The following EYS variants were observed in gnomAD, a reference collection of about 807,000 sequenced individuals.
EYS encodes the protein EGF-like photoreceptor maintenance factor.
A neutral mutation model predicts 282.1 loss-of-function variants in EYS; 250 were observed. That is an observed-to-expected ratio of 0.89 (90% CI 0.80 to 0.98). The LOEUF (loss-of-function observed/expected upper bound fraction) is 0.98. Ranked by LOEUF, EYS falls within the 50% of genes least tolerant of loss-of-function variation. The pLI is 0.00. For synonymous variants in EYS, 1,355 were observed against 1,282.9 expected (o/e 1.06, Z -1.20); for missense variants, 4,016 against 3,709.0 (o/e 1.08, Z -2.15).
At chr6:65,220,729 C>T (rs745763526) in intron 12 of EYS, among the ~76,000 whole-genome samples, 1 of 152,054 alleles carries the variant, frequency 6.6e-6, no homozygotes, top group Non-Finnish European at 1.5e-5. Context: ...GAGGTTGGAA[C>T]AGTTTGGAGG....
chr6:65,490,841 T>C (rs1766016465), intron 4 of EYS, 134 bp from the exon 5 acceptor site: 1 of 634,508 alleles, frequency 1.6e-6, no homozygotes, highest in Non-Finnish European at 2.9e-6. Context: ...TGTTATACGA[T>C]GATGCATTTA....
rs1345064692 is a variant in EYS at position 65,244,789 on chromosome 6, TGG to T, written c.2023+51072_2023+51073del. On this transcript the variant is annotated intron_variant, in intron 12 of 42. Transcript: ENST00000503581. Reference sequence around the variant, plus strand: ...CGCCCGCCTCGGCCTTCCAAAGTGCTGGGATTACAGGCTTGAGCCACCGCGCC... The same window carrying T: ...CGCCCGCCTCGGCCTTCCAAAGTGCTGATTACAGGCTTGAGCCACCGCGCC... Among the ~76,000 whole-genome samples, 7 of 152,160 alleles carry T rather than the reference TGG, an allele frequency of 4.6e-5. No individual in the cohort carries two copies. In the South Asian group the frequency reaches 1.4e-3, roughly 32 times the overall value.
intron 2 of EYS, among the ~76,000 whole-genome samples, chr6:65,516,004 A>C (rs867685761): frequency 1.3e-5 from 2 of 152,044 alleles, no homozygotes; most frequent in Non-Finnish European, 2.9e-5. Context: ...TATATATGTA[A>C]TCCACATCCC....
chr6:63,777,115 A>C (rs970871960), intron 40 of EYS, among the ~76,000 whole-genome samples: 21 of 152,266 alleles, frequency 1.4e-4, no homozygotes, highest in Middle Eastern at 3.4e-3. Context: ...GAGTCAAACT[A>C]TACATTTTTT....
At chr6:65,574,311 C>A (rs1764582434) in intron 2 of EYS, among the ~76,000 whole-genome samples, 1 of 152,034 alleles carries the variant, frequency 6.6e-6, no homozygotes, top group East Asian at 1.9e-4. Flanking sequence ...CAAGACTACA[C>A]AAAGACACGA....
At chr6:63,745,272 T>C (rs1425141408) in intron 41 of EYS, among the ~76,000 whole-genome samples, 1 of 152,104 alleles carries the variant, frequency 6.6e-6, no homozygotes, top group East Asian at 1.9e-4. Context: ...AAAGGGTGAA[T>C]TAGAAATAAA....
intron 23 of EYS, among the ~76,000 whole-genome samples, chr6:64,624,534 T>C (rs1406183297): frequency 6.6e-6 from 1 of 152,206 alleles, no homozygotes; most frequent in Non-Finnish European, 1.5e-5. Flanking sequence ...TCTACTTATG[T>C]TACCTGCAAG....
intron 11 of EYS, chr6:65,302,907 C>G (rs1014571682): frequency 6.2e-7 from 1 of 1,613,792 alleles, no homozygotes; most frequent in Non-Finnish European, 8.5e-7. Context: ...TCTGTCCAGT[C>G]CAATCCTTCC....
At chr6:64,744,019 T>C (rs1772467527) in intron 22 of EYS, among the ~76,000 whole-genome samples, 1 of 152,156 alleles carries the variant, frequency 6.6e-6, no homozygotes, top group African/African-American at 2.4e-5. Flanking sequence ...GTATACATTC[T>C]CTACATTCAT....
intron 14 of EYS, among the ~76,000 whole-genome samples, chr6:64,958,784 T>C (rs547578007): frequency 6.8e-4 from 90 of 132,186 alleles, no homozygotes; most frequent in African/African-American, 1.8e-3. Context: ...TCAGCAAATA[T>C]ACATACTGTA....
intron 31 of EYS, among the ~76,000 whole-genome samples, chr6:64,151,276 A>G (rs1774695227): frequency 7.1e-6 from 1 of 141,380 alleles, no homozygotes; most frequent in Non-Finnish European, 1.5e-5. Flanking sequence ...AATAAATTAC[A>G]GTGGAAATAT....
intron 22 of EYS, among the ~76,000 whole-genome samples, chr6:64,715,079 C>A (rs1771342283): frequency 6.6e-6 from 1 of 151,226 alleles, no homozygotes; most frequent in African/African-American, 2.4e-5. Context: ...GATTATTTAT[C>A]CATGGACTGG....
intron 26 of EYS, among the ~76,000 whole-genome samples, chr6:64,555,307 C>A (rs1025869075): frequency 6.6e-6 from 1 of 151,328 alleles, no homozygotes; most frequent in East Asian, 1.9e-4. Flanking sequence ...TATTTTGAAT[C>A]TTTGAAGGGG....
intron 19 of EYS, among the ~76,000 whole-genome samples, chr6:64,843,124 A>G (rs946965863): frequency 3.3e-5 from 5 of 152,040 alleles, no homozygotes; most frequent in Non-Finnish European, 5.9e-5. Flanking sequence ...CCTCTGTTCC[A>G]TCTGGTCCAG....
chr6:64,864,584 C>T (rs1389614086), intron 19 of EYS, among the ~76,000 whole-genome samples: 1 of 120,580 alleles, frequency 8.3e-6, no homozygotes, highest in African/African-American at 2.9e-5. Flanking sequence ...TGGGGATTCA[C>T]CATGTTGGCT....
At chr6:65,108,984 C>T (rs989399388) in intron 12 of EYS, among the ~76,000 whole-genome samples, 2 of 151,850 alleles carry the variant, frequency 1.3e-5, no homozygotes, top group Non-Finnish European at 2.9e-5. Flanking sequence ...CTTAAGTCCA[C>T]CCAGTGATTT....
intron 19 of EYS, among the ~76,000 whole-genome samples, chr6:64,876,526 A>G (rs2146757): frequency 0.71 from 107,770 of 151,968 alleles, 38,666 homozygotes; most frequent in Admixed American, 0.76. Flanking sequence ...TAGGTACTGC[A>G]ATAAAATAAT....
intron 1 of EYS, among the ~76,000 whole-genome samples, chr6:65,681,995 T>C (rs1768842529): frequency 6.6e-6 from 1 of 151,956 alleles, no homozygotes; most frequent in Non-Finnish European, 1.5e-5. Context: ...ACCTAACAAA[T>C]AGTCTTCAAT....
intron 13 of EYS, among the ~76,000 whole-genome samples, chr6:65,011,463 C>T (rs191380550): frequency 6.6e-6 from 1 of 152,320 alleles, no homozygotes; most frequent in African/African-American, 2.4e-5. Flanking sequence ...AGGTCTACCG[C>T]AGACCCCTGG....
Sources: allele counts gnomAD v4.1 joint callset (sites outside exome capture counted in the v4.1 genomes callset), GRCh38; gene constraint gnomAD v4.1.1; transcripts MANE v1.5; gene names NCBI Gene and HGNC (gene_info 2026-07-23, HGNC 2026-07-21).